The following ITPK1 variants were observed in gnomAD, a reference collection of about 807,000 sequenced individuals.
ITPK1 encodes inositol 1,3,4-trisphosphate 5/6-kinase.
A neutral mutation model predicts 45.3 loss-of-function variants in ITPK1; 21 were observed. That is an observed-to-expected ratio of 0.46 (90% CI 0.33 to 0.67). The LOEUF (loss-of-function observed/expected upper bound fraction) is 0.67. Among genes scored for constraint, ITPK1 ranks in the 30% least tolerant of loss-of-function variants. ITPK1 has a pLI of 0.02. For missense variants in ITPK1, 474 were observed against 573.5 expected (o/e 0.83, Z 1.77); for synonymous variants, 258 against 253.6 (o/e 1.02, Z -0.16).
In ITPK1 at chr14:93,076,080, T is replaced by C. The variant is rs779550311; in HGVS notation, c.120+515A>G. ...ATCCTTCTATCCTTCCTCCCCTCCA[T>C]CCATCCTTCCTTCTCCCTCCATCCT... On this transcript the variant is annotated intron_variant, in intron 3 of 10. Transcript: ENST00000267615. The surrounding 1 kb of genome is among the most constrained non-coding windows in gnomAD (Gnocchi z 4.3). Among the ~76,000 whole-genome samples the C allele has an allele frequency of 2.2e-4, 33 of 150,164 alleles. No individual in the cohort carries two copies. The highest frequency in any genetic ancestry group is 1.3e-3 in the South Asian group (6 of 4,682).
chr14:93,051,815 G>A (rs1015324660), intron 3 of ITPK1, among the ~76,000 whole-genome samples: 4 of 152,200 alleles, frequency 2.6e-5, no homozygotes, highest in Non-Finnish European at 5.9e-5. Context: ...CAGATTGGGC[G>A]GAAGCCCTTC....
In ITPK1 at chr14:93,076,825, G is replaced by A. The variant is rs1228131502; in HGVS notation, c.96-206C>T. Among the ~76,000 whole-genome samples the A allele has an allele frequency of 1.8e-4, 27 of 152,056 alleles. 1 individual carries two copies. The highest frequency in any genetic ancestry group is 1.8e-3 in the Admixed American group (27 of 15,276). ...AACCACCTTCCCACTGAGAGGGCTG[G>A]CTCTGCAGAGGGACTTGCTGGAGTC... On this transcript the variant is annotated intron_variant, in intron 2 of 10. Transcript: ENST00000267615. The surrounding 1 kb of genome is among the most constrained non-coding windows in gnomAD (Gnocchi z 4.3).
intron 2 of ITPK1, 33 bp downstream of exon 2, chr14:93,115,036 G>A (rs1057369151): frequency 4.4e-5 from 64 of 1,454,312 alleles, no homozygotes; most frequent in Non-Finnish European, 5.9e-5. Flanking sequence ...CGGGCCGGGG[G>A]TCCCCGGGCG....
At position 93,086,591 on chromosome 14, in the gene ITPK1, G is replaced by A. The variant is rs1891659352; in HGVS notation, c.96-9972C>T. 2.6e-5 allele frequency among the ~76,000 whole-genome samples: 4 copies of A among 151,974 alleles called. No individual in the cohort carries two copies. In the South Asian group the frequency reaches 8.3e-4, roughly 31 times the overall value. ...GCTAGCTGCCACAGGGCAGACCAGTGGGCTACATGCCATGCCCTCTGGCGG... is the reference window on the plus strand; with the variant it reads ...GCTAGCTGCCACAGGGCAGACCAGTAGGCTACATGCCATGCCCTCTGGCGG... On this transcript the variant is annotated intron_variant, in intron 2 of 10. Transcript: ENST00000267615.
chr14:93,109,614 T>G (rs1432342432), intron 2 of ITPK1, among the ~76,000 whole-genome samples: 1 of 152,178 alleles, frequency 6.6e-6, no homozygotes, highest in Non-Finnish European at 1.5e-5. Context: ...TTAACATAAA[T>G]TTCTCAGCTT....
At chr14:93,080,449 C>T (rs1891390551) in intron 2 of ITPK1, among the ~76,000 whole-genome samples, 1 of 152,190 alleles carries the variant, frequency 6.6e-6, no homozygotes, top group African/African-American at 2.4e-5. Context: ...CAATGGAGGA[C>T]ACAAGACAGC....
chr14:92,950,673 T>G (rs1372408930), intron 9 of ITPK1, among the ~76,000 whole-genome samples: 1 of 149,980 alleles, frequency 6.7e-6, no homozygotes, highest in Admixed American at 6.6e-5. Flanking sequence ...GCCTTGCCCC[T>G]GAGAGGACAC....
At chr14:92,946,194 CG>C (rs2139702392) in intron 10 of ITPK1, 136 bp downstream of exon 10, 1 of 992,594 alleles carries the variant, frequency 1.0e-6, no homozygotes, top group East Asian at 2.4e-5. Context: ...TGAGGCTTCT[CG>C]GGGCTGCACC....
chr14:93,077,598 G>T (rs1218154487), intron 2 of ITPK1, among the ~76,000 whole-genome samples: 1 of 152,110 alleles, frequency 6.6e-6, no homozygotes, highest in African/African-American at 2.4e-5. Context: ...GATTACAGGC[G>T]CGAGCCACCA....
At position 92,941,155 on chromosome 14, in the gene ITPK1, C is replaced by T; in HGVS notation, c.*406G>A. The T allele has an allele frequency of 8.3e-7, 1 of 1,210,312 alleles. No individual in the cohort carries two copies. The highest frequency in any genetic ancestry group is 1.0e-6 in the Non-Finnish European group (1 of 959,798). The allele number at this position is 1,210,312 out of a possible 1,614,324, so 75.0% of individuals were successfully genotyped here. A position where few individuals can be genotyped will look rare whatever the true frequency, so the allele number is the denominator to read the frequency against. The stretch of plus-strand genomic sequence containing the variant: ...CTCACATGCACCGATCAGCCTCCCA[C>T]AGCCCGACATGGGCAGGCTTCCCCC... On this transcript the variant is annotated 3_prime_UTR_variant, in exon 11 of 11. Transcript: ENST00000267615.
In ITPK1 at chr14:92,965,944, C is replaced by T. The variant is rs187891069; in HGVS notation, c.365-3095G>A. Among the ~76,000 whole-genome samples, 359 of 152,244 alleles carry T rather than the reference C, an allele frequency of 2.4e-3. 3 individuals carry two copies. Among genetic ancestry groups the T allele is most frequent in the African/African-American group, 8.4e-3 (351 of 41,544 alleles). On this transcript the variant is annotated intron_variant, in intron 5 of 10. Coordinates refer to ENST00000267615, the MANE Select transcript of ITPK1 (RefSeq NM_014216.6). ...CTTGAATGCAGGAGGTGGAGGTTGA[C>T]GTGAGCCAAGATCGCGCCATTGCAT...
chr14:92,988,452 C>A (rs1021381384), intron 5 of ITPK1, among the ~76,000 whole-genome samples: 1 of 152,210 alleles, frequency 6.6e-6, no homozygotes, highest in Non-Finnish European at 1.5e-5. Flanking sequence ...CGACAAGGTC[C>A]TTCTTTCCTG....
At position 93,025,231 on chromosome 14, in the gene ITPK1, G is replaced by A. The variant is rs75602192; in HGVS notation, c.121-8430C>T. Among the ~76,000 whole-genome samples, 534 of 152,238 alleles carry A rather than the reference G, an allele frequency of 3.5e-3. 4 individuals carry two copies. The highest frequency in any genetic ancestry group is 0.012 in the African/African-American group (500 of 41,542). On this transcript the variant is annotated intron_variant, in intron 3 of 10. Coordinates refer to ENST00000267615, the MANE Select transcript of ITPK1 (RefSeq NM_014216.6). ...TCTCCAAGATGAAGGGCCTGGCACT[G>A]GCACCCCAACCCGGAAATCAAGAGC...
At chr14:92,965,159 G>A (rs1885280172) in intron 5 of ITPK1, among the ~76,000 whole-genome samples, 3 of 152,188 alleles carry the variant, frequency 2.0e-5, no homozygotes, top group Non-Finnish European at 4.4e-5. Flanking sequence ...GGCTCAGGGG[G>A]TTCCTGACAG....
chr14:93,012,146 T>A lies in ITPK1; in HGVS notation c.246+4530A>T, dbSNP rs1266571557. Among the ~76,000 whole-genome samples the A allele has an allele frequency of 6.6e-6, 1 of 151,978 alleles. No individual in the cohort carries two copies. The highest frequency in any genetic ancestry group is 1.5e-5 in the Non-Finnish European group (1 of 67,994). Reference sequence around the variant, plus strand: ...CCCAGCGCATGACCAGCACTGGGCATGCGCCGCCACCCAAACACTTAGGCA... The same window carrying A: ...CCCAGCGCATGACCAGCACTGGGCAAGCGCCGCCACCCAAACACTTAGGCA... On this transcript the variant is annotated intron_variant, in intron 4 of 10. Transcript: ENST00000267615. The surrounding 1 kb of genome is among the most constrained non-coding windows in gnomAD (Gnocchi z 4.9).
chr14:92,944,368 G>A (rs898385674), intron 10 of ITPK1, among the ~76,000 whole-genome samples: 29 of 152,196 alleles, frequency 1.9e-4, no homozygotes, highest in Admixed American at 3.9e-4. Context: ...ACCAGTCTCC[G>A]CCAGGCTCAG....
chr14:93,045,487 C>T (rs115429496), intron 3 of ITPK1, among the ~76,000 whole-genome samples: 1 of 152,168 alleles, frequency 6.6e-6, no homozygotes. Context: ...CTCCCTGAAA[C>T]GTACTGACAG....
At chr14:92,976,177 C>A (rs1369456440) in intron 5 of ITPK1, among the ~76,000 whole-genome samples, 1 of 152,196 alleles carries the variant, frequency 6.6e-6, no homozygotes, top group South Asian at 2.1e-4. Flanking sequence ...ATAACTTACA[C>A]CACCAGCTCT....
intron 5 of ITPK1, among the ~76,000 whole-genome samples, chr14:92,964,387 G>GAAGTCAGGA (rs1885237501): frequency 7.0e-6 from 1 of 143,600 alleles, no homozygotes; most frequent in African/African-American, 2.5e-5. Flanking sequence ...CAGGAGAGGG[G>GAAGTCAGGA]AAGTCAGGAA....
Sources: allele counts gnomAD v4.1 joint callset (sites outside exome capture counted in the v4.1 genomes callset), GRCh38; gene constraint gnomAD v4.1.1; non-coding constraint Gnocchi (gnomAD v3.1); transcripts MANE v1.5; gene names NCBI Gene and HGNC (gene_info 2026-07-23, HGNC 2026-07-21).